Variants in ZDHHC5 observed in about 807,000 individuals in gnomAD.
ZDHHC5 encodes the protein zDHHC palmitoyltransferase 5, also known as palmitoyltransferase ZDHHC5.
In ZDHHC5, 22 loss-of-function variants were observed where a neutral mutation model predicts 70.0. The observed-to-expected ratio is 0.31, with a 90% confidence interval of 0.22 to 0.45. The LOEUF is 0.45. Among genes scored for constraint, ZDHHC5 ranks in the 20% least tolerant of loss-of-function variants. The pLI is 1.00. For missense variants in ZDHHC5, 746 were observed against 926.9 expected, an observed-to-expected ratio of 0.80 and a Z score of 2.53; for synonymous variants, 313 against 347.8, an observed-to-expected ratio of 0.90 and a Z score of 1.11.
intron 2 of ZDHHC5, among the ~76,000 whole-genome samples, chr11:57,680,313 G>A (rs547871267): frequency 3.9e-5 from 6 of 152,260 alleles, no homozygotes; most frequent in African/African-American, 1.4e-4. Flanking sequence ...GGAGTTTGAG[G>A]CTGCAGTGAG....
chr11:57,692,379 T>C (rs1394661635), intron 6 of ZDHHC5, among the ~76,000 whole-genome samples: 2 of 152,182 alleles, frequency 1.3e-5, no homozygotes, highest in Non-Finnish European at 2.9e-5. Flanking sequence ...CCATTTTACA[T>C]GAGGAAACTG....
intron 2 of ZDHHC5, among the ~76,000 whole-genome samples, chr11:57,678,570 C>G (rs908478960): frequency 9.9e-6 from 1 of 101,468 alleles, no homozygotes; most frequent in Non-Finnish European, 2.0e-5. Flanking sequence ...AACTCTGTCT[C>G]AAAAAAAAAA....
At chr11:57,690,546 T>C (rs1790576029) in intron 6 of ZDHHC5, 109 bp downstream of exon 6, 2 of 1,155,818 alleles carry the variant, frequency 1.7e-6, no homozygotes, top group East Asian at 2.4e-5. Flanking sequence ...ATGAATACTT[T>C]TCATGATTAT....
At chr11:57,676,903 C>G in intron 2 of ZDHHC5, among the ~76,000 whole-genome samples, 1 of 139,548 alleles carries the variant, frequency 7.2e-6, no homozygotes, top group African/African-American at 2.7e-5. Flanking sequence ...ATCTCTGCTT[C>G]ACGTGATTTT....
rs536000770 is a variant in ZDHHC5 at position 57,691,258 on chromosome 11, G to C, written c.660+821G>C. Among the ~76,000 whole-genome samples the C allele has an allele frequency of 1.1e-4, 17 of 152,160 alleles. No individual in the cohort carries two copies. In the South Asian group the frequency reaches 2.1e-3, roughly 19 times the overall value. On this transcript the variant is annotated intron_variant, in intron 6 of 11. Coordinates refer to ENST00000287169, the MANE Select transcript of ZDHHC5 (RefSeq NM_015457.3). ...AACTAATTTTTGTATTTTTAGTAGA[G>C]ACAGGGTTTCACCATGTTGGCCAGG...
intron 3 of ZDHHC5, among the ~76,000 whole-genome samples, chr11:57,684,943 T>G (rs1565193922): frequency 6.6e-6 from 1 of 152,050 alleles, no homozygotes; most frequent in Non-Finnish European, 1.5e-5. Context: ...GGTCAGGACT[T>G]TAAGACCAGC....
intron 3 of ZDHHC5, among the ~76,000 whole-genome samples, chr11:57,685,763 C>T (rs1247446382): frequency 2.6e-5 from 4 of 152,116 alleles, no homozygotes; most frequent in Admixed American, 1.3e-4. Flanking sequence ...TGCCGTGACT[C>T]ACGCCTGTAA....
Position 57,698,641 on chromosome 11 carries a change from T to G in ZDHHC5, c.1205T>G (p.Leu402Trp). 1 of 1,614,172 alleles carries G rather than the reference T, an allele frequency of 6.2e-7. No homozygotes were observed. Among genetic ancestry groups the G allele is most frequent in the Non-Finnish European group, 8.5e-7 (1 of 1,180,032 alleles). Residue 402 changes from leucine (L) to tryptophan (W), a missense_variant, in exon 11 of 12, where the codon TTG becomes TGG. This residue lies in a region of ZDHHC5 where 179 missense variants were observed against 178.4 expected (regional missense o/e 1.00). Coordinates refer to ENST00000287169, the MANE Select transcript of ZDHHC5 (RefSeq NM_015457.3). ...CCCAGCTACCGCTCAGAGCCCAGCT[T>G]GGAACCAGAGAGCTTCCGTTCTCCT... is the stretch of plus-strand genomic sequence containing the variant. ...RHPSYRSEPSLEPESFRSPTF... is the reference protein window; with the variant it reads ...RHPSYRSEPSWEPESFRSPTF...
Position 57,673,010 on chromosome 11 carries a change from C to T in ZDHHC5, c.-81C>T. 1 of 1,345,800 alleles carries T rather than the reference C, an allele frequency of 7.4e-7. No homozygotes were observed. The highest frequency in any genetic ancestry group is 1.1e-6 in the Non-Finnish European group (1 of 942,110). The allele number at this position is 1,345,800 out of a possible 1,614,324, so 83.4% of individuals were successfully genotyped here. Reference sequence around the variant, plus strand: ...TTTTGTACTCCTCTCTGTTGCTTCCCTCCTCCCATTTTCTTGTCTGTTCTG... The same window carrying T: ...TTTTGTACTCCTCTCTGTTGCTTCCTTCCTCCCATTTTCTTGTCTGTTCTG... On this transcript the variant is annotated 5_prime_UTR_variant, in exon 2 of 12. Transcript: ENST00000287169.
chr11:57,692,017 A>G (rs1304901138), intron 6 of ZDHHC5, among the ~76,000 whole-genome samples: 9 of 151,506 alleles, frequency 5.9e-5, no homozygotes, highest in Admixed American at 5.9e-4. Context: ...GAGACAGAGT[A>G]TCGCTTTGTC....
Position 57,699,311 on chromosome 11 carries a change from C to G in ZDHHC5, c.1875C>G (p.Gly625=), listed in dbSNP as rs1269129813. 5.0e-6 allele frequency: 8 copies of G among 1,614,158 alleles called. No homozygotes were observed. The highest frequency in any genetic ancestry group is 6.8e-6 in the Non-Finnish European group (8 of 1,179,996). The change falls in exon 11 of 12, where the codon GGC becomes GGG. Residue 625 remains glycine, a synonymous_variant. Coordinates refer to ENST00000287169, the MANE Select transcript of ZDHHC5 (RefSeq NM_015457.3). ...RGRGVGSPEP[G]PTAPYLGRSM... Reference sequence around the variant, plus strand: ...GGGGAGTAGGGTCCCCTGAACCAGGCCCAACAGCCCCATACCTGGGCCGAT... The same window carrying G: ...GGGGAGTAGGGTCCCCTGAACCAGGGCCAACAGCCCCATACCTGGGCCGAT...
At chr11:57,690,302 G>A in intron 5 of ZDHHC5, 33 bp from the exon 6 acceptor site, 3 of 1,614,060 alleles carry the variant, frequency 1.9e-6, no homozygotes, top group Non-Finnish European at 2.5e-6. Flanking sequence ...GTGAGGTCAT[G>A]TTGCTCTGTT....
At chr11:57,694,593 C>G (rs749381996) in intron 8 of ZDHHC5, among the ~76,000 whole-genome samples, 15 of 152,132 alleles carry the variant, frequency 9.9e-5, no homozygotes, top group Non-Finnish European at 1.6e-4. Flanking sequence ...AACTCCTGAC[C>G]TGAAGTGATC....
chr11:57,679,188 G>A (rs1174891188), intron 2 of ZDHHC5, among the ~76,000 whole-genome samples: 1 of 152,036 alleles, frequency 6.6e-6, no homozygotes, highest in Non-Finnish European at 1.5e-5. Flanking sequence ...TTGAGACGGA[G>A]TTTGGCTTTT....
chr11:57,672,321 T>C lies in ZDHHC5; in HGVS notation c.-770T>C, dbSNP rs1946016501. The stretch of plus-strand genomic sequence containing the variant: ...TGAAGACAGAGAAGCTTGCCCTGTT[T>C]TCCTTGCCCCTTCAAAGAAAAGGAT... On this transcript the variant is annotated 5_prime_UTR_variant, in exon 2 of 12. Transcript: ENST00000287169. 2.5e-6 allele frequency: 1 copy of C among 397,938 alleles called. No homozygotes were observed. The highest frequency in any genetic ancestry group is 2.1e-5 in the African/African-American group (1 of 48,642). The allele number at this position is 397,938 out of a possible 1,614,324, so 24.7% of individuals were successfully genotyped here. A position where few individuals can be genotyped will look rare whatever the true frequency, so the allele number is the denominator to read the frequency against.
chr11:57,677,650 A>G (rs1946089310), intron 2 of ZDHHC5, among the ~76,000 whole-genome samples: 1 of 152,116 alleles, frequency 6.6e-6, no homozygotes, highest in South Asian at 2.1e-4. Context: ...TGGTCTTTTC[A>G]GGCTCCCATC....
chr11:57,690,732 G>A (rs1234820657), intron 6 of ZDHHC5, among the ~76,000 whole-genome samples: 6 of 152,104 alleles, frequency 3.9e-5, no homozygotes, highest in Non-Finnish European at 7.3e-5. Context: ...ATCATTCTGC[G>A]CAAACTGTCG....
intron 1 of ZDHHC5, 29 bp downstream of exon 1, chr11:57,668,216 GA>G (rs1945949501): frequency 2.8e-6 from 1 of 358,962 alleles, no homozygotes; most frequent in South Asian, 1.5e-4. Flanking sequence ...GGTCCCTGCG[GA>G]ACCGGAAGTG....
At chr11:57,683,248 A>C (rs488769) in intron 3 of ZDHHC5, among the ~76,000 whole-genome samples, 49,641 of 152,100 alleles carry the variant, frequency 0.33, 8,386 homozygotes, top group African/African-American at 0.35. Context: ...TTTCCTTTGG[A>C]TAGGAAGAGG....
Sources: gnomAD v4.1 joint callset for allele counts (sites outside exome capture counted in the v4.1 genomes callset) on GRCh38, gnomAD v4.1.1 for gene constraint, gnomAD v4.1.1 regional missense constraint, MANE v1.5 for transcripts, NCBI Gene and HGNC (gene_info 2026-07-23, HGNC 2026-07-21) for gene names.